The following DOCK1 variants were observed in gnomAD, a reference collection of about 807,000 sequenced individuals.
The protein encoded by DOCK1 is dedicator of cytokinesis 1, also known as dedicator of cytokinesis protein 1.
DOCK1 carries 138 observed loss-of-function variants against 262.7 expected under a neutral mutation model. The observed-to-expected ratio is 0.53, with a 90% CI of 0.46 to 0.61. The LOEUF (loss-of-function observed/expected upper bound fraction) is 0.61. DOCK1 is among the 20% of genes least tolerant of loss of function. DOCK1 has a pLI of 0.00. For missense variants in DOCK1, 1,908 were observed against 2,370.7 expected (o/e 0.80, Z 4.05); for synonymous variants, 866 against 867.4 (o/e 1.00, Z 0.03).
At chr10:127,343,527 G>T in intron 30 of DOCK1, 119 bp from the exon 31 acceptor site, 4 of 765,204 alleles carry the variant, frequency 5.2e-6, no homozygotes, top group Non-Finnish European at 8.0e-6. Flanking sequence ...GTGAGTGTGG[G>T]TTTTTTTTTT....
At chr10:127,280,392 G>A (rs79813312) in intron 29 of DOCK1, among the ~76,000 whole-genome samples, 1,523 of 152,196 alleles carry the variant, frequency 0.01, 16 homozygotes, top group Non-Finnish European at 0.016. Flanking sequence ...AAAATGCCCT[G>A]GTAGTGAACA....
In DOCK1 at chr10:126,990,512, T is replaced by C. The variant is rs1213815239; in HGVS notation, c.382T>C (p.Trp128Arg). 5.0e-6 allele frequency: 8 copies of C among 1,613,634 alleles called. No individual in the cohort carries two copies. The South Asian group carries it at 6.6e-5, about 13-fold the overall frequency. The change falls in exon 6 of 52, where the codon TGG becomes CGG. Residue 128 changes from tryptophan to arginine, a missense_variant. Around this residue, in one of 9 missense-constraint regions of DOCK1, gnomAD observed 227 missense variants for 254.1 expected, o/e 0.89. Transcript: ENST00000623213. ...GCACATGATCTATGACCTTATTGAATGGCGATCACAAATTCTTTCTGGAAC... is the reference window on the plus strand; with the variant it reads ...GCACATGATCTATGACCTTATTGAACGGCGATCACAAATTCTTTCTGGAAC... ...VRHMIYDLIE[W>R]RSQILSGTLP...
At chr10:127,232,240 T>A (rs935361365) in intron 27 of DOCK1, among the ~76,000 whole-genome samples, 1 of 152,332 alleles carries the variant, frequency 6.6e-6, no homozygotes, top group Non-Finnish European at 1.5e-5. Context: ...TATCTGCAAG[T>A]CAACTCATTT....
At chr10:127,138,016 C>G in intron 27 of DOCK1, 1 of 1,607,378 alleles carries the variant, frequency 6.2e-7, no homozygotes, top group Non-Finnish European at 8.5e-7. Context: ...AAATCCAGCT[C>G]CACACTAGAA....
At chr10:127,004,752 CAACGGCCCCCTGCCCCGCCACCCCCCCG>C (rs2040867550) in intron 10 of DOCK1, among the ~76,000 whole-genome samples, 1 of 125,772 alleles carries the variant, frequency 8.0e-6, no homozygotes, top group Non-Finnish European at 1.7e-5. Context: ...CTGTCCCCCC[CAACGGCCCCCTGCCCCGCCACCCCCCCG>C]CCCCAAAAAA....
intron 29 of DOCK1, among the ~76,000 whole-genome samples, chr10:127,282,995 C>T (rs537338170): frequency 6.6e-6 from 1 of 152,328 alleles, no homozygotes; most frequent in East Asian, 1.9e-4. Flanking sequence ...AAAGGTCTCC[C>T]CACCAGGGCT....
At chr10:127,322,477 C>G (rs1248180344) in intron 29 of DOCK1, among the ~76,000 whole-genome samples, 1 of 152,178 alleles carries the variant, frequency 6.6e-6, no homozygotes, top group Non-Finnish European at 1.5e-5. Flanking sequence ...GAATGAGCCA[C>G]TGCACCCAGC....
At chr10:127,008,907 G>A (rs2041223027) in intron 11 of DOCK1, 103 bp downstream of exon 11, 1 of 1,130,682 alleles carries the variant, frequency 8.8e-7, no homozygotes, top group Non-Finnish European at 1.3e-6. Flanking sequence ...ACTAAGGATT[G>A]ATTATTTTGT....
chr10:127,007,205 G>T (rs2041099028), intron 10 of DOCK1, among the ~76,000 whole-genome samples: 1 of 152,138 alleles, frequency 6.6e-6, no homozygotes, highest in Non-Finnish European at 1.5e-5. Context: ...TTGGTTGAGT[G>T]GAGTGAGTGT....
chr10:127,021,642 C>T (rs1162912504), intron 13 of DOCK1, among the ~76,000 whole-genome samples: 1 of 152,178 alleles, frequency 6.6e-6, no homozygotes, highest in Non-Finnish European at 1.5e-5. Flanking sequence ...GGTGGCCTTG[C>T]ACCTGCCCCT....
intron 29 of DOCK1, among the ~76,000 whole-genome samples, chr10:127,271,226 A>G (rs2060556046): frequency 6.6e-6 from 1 of 152,050 alleles, no homozygotes; most frequent in Non-Finnish European, 1.5e-5. Context: ...CCTGCTGGTG[A>G]CTGTCTGGGT....
intron 27 of DOCK1, among the ~76,000 whole-genome samples, chr10:127,211,153 T>C (rs994055049): frequency 2.6e-5 from 4 of 152,128 alleles, no homozygotes; most frequent in Non-Finnish European, 4.4e-5. Context: ...CTGTGATCCT[T>C]CTTAAAGCCT....
At position 127,175,089 on chromosome 10, in the gene DOCK1, G is replaced by T; in HGVS notation, c.2847+47325G>T. The T allele has an allele frequency of 1.2e-6, 1 of 849,424 alleles. No individual in the cohort carries two copies. 52.6% of individuals were successfully genotyped at this position (849,424 alleles called of 1,614,324 possible). A position where few individuals can be genotyped will look rare whatever the true frequency, so the allele number is the denominator to read the frequency against. On this transcript the variant is annotated intron_variant, in intron 27 of 51. Transcript: ENST00000623213. The surrounding 1 kb of genome is among the most constrained non-coding windows in gnomAD (Gnocchi z 6.3). Reference sequence around the variant, plus strand: ...CCCCTTGGAGCTCGCCACGCCCTTAGACTATGACCTGTTTACGGAAATGCT... The same window carrying T: ...CCCCTTGGAGCTCGCCACGCCCTTATACTATGACCTGTTTACGGAAATGCT...
chr10:126,972,685 A>C (rs1480171297), intron 2 of DOCK1, among the ~76,000 whole-genome samples: 1 of 151,962 alleles, frequency 6.6e-6, no homozygotes, highest in Non-Finnish European at 1.5e-5. Flanking sequence ...GCTCGAGGCA[A>C]ACTGTGACCA....
Position 127,331,485 on chromosome 10 carries a change from T to C in DOCK1, c.3045-7521T>C, listed in dbSNP as rs369438434. Among the ~76,000 whole-genome samples, 219 of 152,256 alleles carry C rather than the reference T, an allele frequency of 1.4e-3. 1 individual carries two copies. Among genetic ancestry groups the C allele is most frequent in the African/African-American group, 5.1e-3 (213 of 41,564 alleles). On this transcript the variant is annotated intron_variant, in intron 29 of 51. Transcript: ENST00000623213. ...TTAGTAGAGATGGGGTTTCACCATG[T>C]TGGCCAGATTGGTCTTGAACTCCTG...
intron 29 of DOCK1, among the ~76,000 whole-genome samples, chr10:127,259,958 G>T (rs930721668): frequency 6.6e-6 from 1 of 152,148 alleles, no homozygotes; most frequent in Non-Finnish European, 1.5e-5. Flanking sequence ...GTGGTCTGGG[G>T]CTCAACCCTG....
At chr10:127,296,087 G>T (rs1333496143) in intron 29 of DOCK1, among the ~76,000 whole-genome samples, 1 of 152,154 alleles carries the variant, frequency 6.6e-6, no homozygotes, top group African/African-American at 2.4e-5. Flanking sequence ...ATGAGCAGTT[G>T]TTGTACTTGC....
intron 24 of DOCK1, among the ~76,000 whole-genome samples, chr10:127,109,163 A>G (rs2048719579): frequency 6.6e-6 from 1 of 152,224 alleles, no homozygotes; most frequent in Non-Finnish European, 1.5e-5. Flanking sequence ...CCCCCTCCAG[A>G]AGGTAAAACC....
chr10:127,234,672 T>C (rs1374044854), intron 27 of DOCK1, among the ~76,000 whole-genome samples: 1 of 152,020 alleles, frequency 6.6e-6, no homozygotes, highest in Non-Finnish European at 1.5e-5. Context: ...TGCAAAAGAA[T>C]AAATTGGCAG....
Sources: allele counts gnomAD v4.1 joint callset (sites outside exome capture counted in the v4.1 genomes callset), GRCh38; gene constraint gnomAD v4.1.1; regional missense constraint gnomAD v4.1.1; non-coding constraint Gnocchi (gnomAD v3.1); transcripts MANE v1.5; gene names NCBI Gene and HGNC (gene_info 2026-07-23, HGNC 2026-07-21).